CREBRF: variants seen among roughly 807,000 people sequenced by gnomAD.
CREBRF encodes CREB3 regulatory factor.
Under a neutral mutation model 66.1 loss-of-function variants are expected in CREBRF, and 5 were observed. The observed-to-expected ratio is 0.08, with a 90% confidence interval of 0.04 to 0.16. The LOEUF is 0.16. Ranked by LOEUF, CREBRF falls within the 10% of genes least tolerant of loss-of-function variation. The pLI, the probability that CREBRF is intolerant of heterozygous loss-of-function variation, is 1.00. For synonymous variants in CREBRF, 229 were observed against 264.4 expected (o/e 0.87, Z 1.30); for missense variants, 531 against 744.9 (o/e 0.71, Z 3.34).
chr5:173,091,718 T>C (rs1581682036), intron 4 of CREBRF: 1 of 1,035,442 alleles, frequency 9.7e-7, no homozygotes, highest in Admixed American at 5.3e-5. Context: ...ATGTATCTTA[T>C]GTTAAGTGAC....
At chr5:173,133,392 GT>G (rs1759518952) in intron 8 of CREBRF, among the ~76,000 whole-genome samples, 1 of 152,158 alleles carries the variant, frequency 6.6e-6, no homozygotes, top group Admixed American at 6.5e-5. Flanking sequence ...CACTTTAAAT[GT>G]TGGTTTATGA....
chr5:173,134,952 A>G lies in CREBRF; in HGVS notation c.*1207A>G, dbSNP rs1246575266. ...TGCACTTATTGTAGGAAATTTTAAT[A>G]TATTTCATTTTAGTAAGCTATTGAT... On this transcript the variant is annotated 3_prime_UTR_variant, in exon 9 of 9. Transcript: ENST00000296953. The G allele has an allele frequency of 6.6e-6, 1 of 152,440 alleles. No individual in the cohort carries two copies. The highest frequency in any genetic ancestry group is 1.5e-5 in the Non-Finnish European group (1 of 67,948). The allele number at this position is 152,440 out of a possible 1,614,324, so 9.4% of individuals were successfully genotyped here.
At chr5:173,100,314 A>C (rs1758596854) in intron 4 of CREBRF, among the ~76,000 whole-genome samples, 1 of 151,340 alleles carries the variant, frequency 6.6e-6, no homozygotes, top group Admixed American at 6.6e-5. Context: ...ATGCCTTTTT[A>C]ACTTTTATAC....
chr5:173,134,708 C>G lies in CREBRF; in HGVS notation c.*963C>G, dbSNP rs1759548695. On this transcript the variant is annotated 3_prime_UTR_variant, in exon 9 of 9. Coordinates refer to ENST00000296953, the MANE Select transcript of CREBRF (RefSeq NM_153607.3). Reference sequence around the variant, plus strand: ...AACTGCCAGTCTAAGTAAAGTTTTGCACAGCTTACATGATACTGTATGAAT... The same window carrying G: ...AACTGCCAGTCTAAGTAAAGTTTTGGACAGCTTACATGATACTGTATGAAT... The G allele has an allele frequency of 6.7e-6, 1 of 149,976 alleles. No homozygotes were observed. The highest frequency in any genetic ancestry group is 1.5e-5 in the Non-Finnish European group (1 of 67,666). The allele number at this position is 149,976 out of a possible 1,614,324, so 9.3% of individuals were successfully genotyped here.
intron 4 of CREBRF, among the ~76,000 whole-genome samples, chr5:173,096,059 T>A (rs111838928): frequency 0.02 from 3,046 of 152,172 alleles, 96 homozygotes; most frequent in African/African-American, 0.068. Context: ...AAACTCCGCC[T>A]CCCGGGTTAT....
At chr5:173,091,792 T>C (rs1758347941) in intron 4 of CREBRF, 2 of 991,184 alleles carry the variant, frequency 2.0e-6, no homozygotes, top group African/African-American at 1.7e-5. Context: ...TTAAAAAATA[T>C]TCCTGTTTAG....
At chr5:173,082,034 G>T (rs1757970137) in intron 2 of CREBRF, among the ~76,000 whole-genome samples, 4 of 79,264 alleles carry the variant, frequency 5.0e-5, no homozygotes, top group African/African-American at 9.6e-5. Context: ...TTTTTTTTGA[G>T]CTGGAGTCTC....
intron 7 of CREBRF, among the ~76,000 whole-genome samples, 186 bp downstream of exon 7, chr5:173,112,565 T>C (rs757943962): frequency 6.6e-6 from 1 of 152,226 alleles, no homozygotes; most frequent in Non-Finnish European, 1.5e-5. Context: ...TTAATATAAG[T>C]TTCTGTACTG....
chr5:173,076,514 G>T (rs959290237), intron 1 of CREBRF, among the ~76,000 whole-genome samples: 1 of 152,170 alleles, frequency 6.6e-6, no homozygotes, highest in African/African-American at 2.4e-5. Flanking sequence ...ACTTTAGGAG[G>T]ACAAGATGGG....
At chr5:173,088,008 A>G (rs1293244599) in intron 3 of CREBRF, among the ~76,000 whole-genome samples, 1 of 151,338 alleles carries the variant, frequency 6.6e-6, no homozygotes, top group East Asian at 2.0e-4. Context: ...TATTTTTAGT[A>G]GAGATGGGGT....
chr5:173,122,583 TATTATTA>T (rs1277031786), intron 7 of CREBRF, among the ~76,000 whole-genome samples: 1 of 143,218 alleles, frequency 7.0e-6, no homozygotes, highest in Non-Finnish European at 1.5e-5. Context: ...TTATTATTAT[TATTATTA>T]TTATTATTAT....
intron 1 of CREBRF, among the ~76,000 whole-genome samples, chr5:173,073,446 A>G (rs1431325125): frequency 1.3e-5 from 2 of 152,224 alleles, no homozygotes; most frequent in Non-Finnish European, 1.5e-5. Context: ...ACAGATACAT[A>G]CAAACTGAAT....
intron 2 of CREBRF, among the ~76,000 whole-genome samples, chr5:173,081,367 G>A (rs1334335609): frequency 6.6e-6 from 1 of 152,176 alleles, no homozygotes; most frequent in Non-Finnish European, 1.5e-5. Context: ...GACAATCAGT[G>A]AAGCCCTGTT....
intron 1 of CREBRF, chr5:173,057,263 A>G (rs1757095324): frequency 6.6e-6 from 1 of 151,140 alleles, no homozygotes; most frequent in Non-Finnish European, 1.5e-5. Flanking sequence ...CTAATTGGTT[A>G]GGCTGTGCCG....
At position 173,117,557 on chromosome 5, in the gene CREBRF, T is replaced by TCCTCTCTCCCTCCCTCCCTC. The variant is rs1554126345; in HGVS notation, c.1681+5182_1681+5183insTCTCCCTCCCTCCCTCCCTC. 3.4e-3 allele frequency among the ~76,000 whole-genome samples: 74 copies of TCCTCTCTCCCTCCCTCCCTC among 21,574 alleles called. 2 individuals are homozygous for TCCTCTCTCCCTCCCTCCCTC. Among genetic ancestry groups the TCCTCTCTCCCTCCCTCCCTC allele is most frequent in the Admixed American group, 4.4e-3 (8 of 1,814 alleles). 14.2% of individuals were successfully genotyped at this position (21,574 alleles called of 152,430 possible). Reference sequence around the variant, plus strand: ...CTCCTCTTCCCTTCCCCTCCCCTCTTCCTCCCTCCCTCCCTCCCTCCCTCC... The same window carrying TCCTCTCTCCCTCCCTCCCTC: ...CTCCTCTTCCCTTCCCCTCCCCTCTTCCTCTCTCCCTCCCTCCCTCCCTCCCTCCCTCCCTCCCTCCCTCC... On this transcript the variant is annotated intron_variant, in intron 7 of 8. Transcript: ENST00000296953.
At chr5:173,123,014 T>C (rs1196634762) in intron 7 of CREBRF, 66 bp from the exon 8 acceptor site, 1 of 1,433,834 alleles carries the variant, frequency 7.0e-7, no homozygotes. Context: ...TATCTGTTAT[T>C]ACATAATTAA....
At chr5:173,108,556 CT>C in intron 4 of CREBRF, 67 bp from the exon 5 acceptor site, 1 of 1,361,032 alleles carries the variant, frequency 7.3e-7, no homozygotes, top group South Asian at 1.3e-5. Flanking sequence ...TAGAAGGGGT[CT>C]TTTCATTTGT....
intron 1 of CREBRF, among the ~76,000 whole-genome samples, chr5:173,069,354 T>A (rs368896010): frequency 2.0e-5 from 3 of 152,096 alleles, no homozygotes; most frequent in African/African-American, 7.2e-5. Context: ...TTTCTTTTTT[T>A]TTTGAGACAG....
At chr5:173,132,682 C>T (rs1007049348) in intron 8 of CREBRF, among the ~76,000 whole-genome samples, 3 of 145,240 alleles carry the variant, frequency 2.1e-5, no homozygotes, top group Non-Finnish European at 3.0e-5. Context: ...TGGCCCCAAC[C>T]TCCACCCCCC....
Sources: allele counts gnomAD v4.1 joint callset (sites outside exome capture counted in the v4.1 genomes callset), GRCh38; gene constraint gnomAD v4.1.1; transcripts MANE v1.5; gene names NCBI Gene and HGNC (gene_info 2026-07-23, HGNC 2026-07-21).